The following ALG14 variants were observed in gnomAD, a reference collection of about 807,000 sequenced individuals.
ALG14 encodes the protein ALG14 UDP-N-acetylglucosaminyltransferase subunit, also known as UDP-N-acetylglucosamine transferase subunit ALG14.
ALG14 carries 17 observed loss-of-function variants against 22.8 expected under a neutral mutation model. The ratio of observed to expected loss-of-function variants is 0.75; its 90% confidence interval spans 0.51 to 1.12. The LOEUF (loss-of-function observed/expected upper bound fraction) is 1.12. Ranked by LOEUF, ALG14 falls within the 50% of genes most tolerant of loss-of-function variation. The pLI is 0.00. For synonymous variants in ALG14, 89 were observed against 103.7 expected (o/e 0.86, Z 0.86); for missense variants, 288 against 271.8 (o/e 1.06, Z -0.42).
chr1:94,988,749 AAAAGT>A (rs943767938), intron 3 of ALG14, among the ~76,000 whole-genome samples: 56 of 152,344 alleles, frequency 3.7e-4, no homozygotes, highest in African/African-American at 1.3e-3. Flanking sequence ...TTGGTTTGGG[AAAAGT>A]TGTACTGAGA....
intron 3 of ALG14, among the ~76,000 whole-genome samples, chr1:94,985,930 T>G (rs1672629134): frequency 6.6e-6 from 1 of 150,818 alleles, no homozygotes; most frequent in Non-Finnish European, 1.5e-5. Flanking sequence ...GGAAACCTAA[T>G]CTAAGGAAAG....
At chr1:95,057,310 G>T (rs1255367546) in intron 2 of ALG14, among the ~76,000 whole-genome samples, 1 of 151,480 alleles carries the variant, frequency 6.6e-6, no homozygotes, top group African/African-American at 2.4e-5. Context: ...AATCAACCAT[G>T]GATCGAAAAT....
chr1:95,063,071 T>A (rs935988611), intron 2 of ALG14, among the ~76,000 whole-genome samples: 1 of 152,184 alleles, frequency 6.6e-6, no homozygotes, highest in Admixed American at 6.5e-5. Context: ...CTTTCTTTCA[T>A]ATGTTTGTTG....
intron 1 of ALG14, 35 bp from the exon 2 acceptor site, chr1:95,065,052 ACC>A: frequency 6.3e-7 from 1 of 1,580,934 alleles, no homozygotes; most frequent in African/African-American, 1.4e-5. Context: ...AGATTAAGAA[ACC>A]CACAATGGAC....
chr1:95,061,827 G>A (rs577635464), intron 2 of ALG14: 3 of 152,366 alleles, frequency 2.0e-5, no homozygotes, highest in South Asian at 2.1e-4. Context: ...GAAAGACTTC[G>A]ATTGGTCTGA....
intron 2 of ALG14, among the ~76,000 whole-genome samples, chr1:95,038,539 G>A (rs1441163421): frequency 6.6e-6 from 1 of 151,826 alleles, no homozygotes; most frequent in Non-Finnish European, 1.5e-5. Flanking sequence ...AAATTAGCCA[G>A]GTGTGGTCAT....
chr1:95,061,285 T>C (rs1557655204), intron 2 of ALG14, among the ~76,000 whole-genome samples: 2 of 152,130 alleles, frequency 1.3e-5, no homozygotes, highest in African/African-American at 4.8e-5. Flanking sequence ...TATTGATTCC[T>C]AAAACAAAAA....
chr1:95,031,880 C>A (rs2100779955), intron 2 of ALG14, among the ~76,000 whole-genome samples: 1 of 152,312 alleles, frequency 6.6e-6, no homozygotes, highest in Admixed American at 6.5e-5. Context: ...ACGATCTCAG[C>A]TCACTGCAAC....
At chr1:95,020,288 G>A (rs890874343) in intron 3 of ALG14, among the ~76,000 whole-genome samples, 6 of 151,986 alleles carry the variant, frequency 3.9e-5, no homozygotes, top group African/African-American at 7.3e-5. Flanking sequence ...AAGAGTAAGC[G>A]CTAACTGAAA....
intron 2 of ALG14, among the ~76,000 whole-genome samples, chr1:95,059,574 G>A (rs1457625310): frequency 6.6e-6 from 1 of 151,484 alleles, no homozygotes; most frequent in Non-Finnish European, 1.5e-5. Context: ...CTTTTGGGAG[G>A]GGCCCTTTGT....
intron 3 of ALG14, among the ~76,000 whole-genome samples, chr1:94,990,229 C>T (rs890297084): frequency 1.3e-5 from 2 of 151,944 alleles, no homozygotes; most frequent in Admixed American, 6.6e-5. Flanking sequence ...ACAGGAAGGC[C>T]GGGCTGAAGC....
chr1:95,037,065 T>C (rs996074560), intron 2 of ALG14, among the ~76,000 whole-genome samples: 1 of 152,212 alleles, frequency 6.6e-6, no homozygotes, highest in Non-Finnish European at 1.5e-5. Flanking sequence ...AAAAACAAAG[T>C]AGTTTGTTTC....
At chr1:95,036,425 T>TC (rs1225761101) in intron 2 of ALG14, among the ~76,000 whole-genome samples, 1 of 138,852 alleles carries the variant, frequency 7.2e-6, no homozygotes, top group Admixed American at 7.2e-5. Flanking sequence ...ACCTCTTTTT[T>TC]TTTTTTTTTT....
chr1:95,032,458 T>C lies in ALG14; in HGVS notation c.289-5198A>G, dbSNP rs568755229. Reference sequence around the variant, plus strand: ...GCTAGAAGGCACCAAACCCCAAAGGTTGGGGAAACAGGAAGGAGGGACACA... The same window carrying C: ...GCTAGAAGGCACCAAACCCCAAAGGCTGGGGAAACAGGAAGGAGGGACACA... On this transcript the variant is annotated intron_variant, in intron 2 of 3. Coordinates refer to ENST00000370205, the MANE Select transcript of ALG14 (RefSeq NM_144988.4). 3.3e-5 allele frequency among the ~76,000 whole-genome samples: 5 copies of C among 151,796 alleles called. No individual in the cohort carries two copies. The East Asian group carries it at 7.8e-4, about 24-fold the overall frequency.
chr1:95,012,661 A>G (rs1283891226), intron 3 of ALG14, among the ~76,000 whole-genome samples: 1 of 152,220 alleles, frequency 6.6e-6, no homozygotes, highest in Non-Finnish European at 1.5e-5. Context: ...TCCATGGTCA[A>G]CGGGACCTGT....
intron 2 of ALG14, among the ~76,000 whole-genome samples, chr1:95,054,198 G>A (rs753578325): frequency 1.3e-5 from 2 of 152,156 alleles, no homozygotes; most frequent in East Asian, 1.9e-4. Context: ...ATCTCATGTC[G>A]AATTGTAATC....
chr1:95,059,962 T>G (rs924003163), intron 2 of ALG14, among the ~76,000 whole-genome samples: 2 of 151,940 alleles, frequency 1.3e-5, no homozygotes, highest in African/African-American at 4.8e-5. Context: ...CCCCACCTTT[T>G]CCTAGTCTGG....
chr1:95,015,333 C>A (rs1455410380), intron 3 of ALG14, among the ~76,000 whole-genome samples: 2 of 152,194 alleles, frequency 1.3e-5, no homozygotes, highest in African/African-American at 4.8e-5. Flanking sequence ...ACCTGACACA[C>A]TGCTAAGCTC....
chr1:95,004,854 G>C (rs898016836), intron 3 of ALG14, among the ~76,000 whole-genome samples: 1 of 144,304 alleles, frequency 6.9e-6, no homozygotes, highest in Non-Finnish European at 1.5e-5. Context: ...TGCCCAGGCT[G>C]GAGTGCAGTA....
Sources: gnomAD v4.1 joint callset for allele counts (sites outside exome capture counted in the v4.1 genomes callset) on GRCh38, gnomAD v4.1.1 for gene constraint, MANE v1.5 for transcripts, NCBI Gene and HGNC (gene_info 2026-07-23, HGNC 2026-07-21) for gene names.